Variants in COPS7A observed in about 807,000 individuals in gnomAD.
COPS7A encodes the protein COP9 signalosome complex subunit 7a.
In COPS7A, 20 loss-of-function variants were observed where a neutral mutation model predicts 35.2. The observed-to-expected ratio is 0.57, with a 90% CI of 0.40 to 0.83. COPS7A has a LOEUF of 0.83. COPS7A is among the 40% of genes least tolerant of loss of function. The probability of loss-of-function intolerance (pLI) is 0.00; values close to 1 mark genes in which losing one functional copy is unlikely to be tolerated. For missense variants in COPS7A, 247 were observed against 347.5 expected (o/e 0.71, Z 2.30); for synonymous variants, 139 against 141.4 (o/e 0.98, Z 0.12).
chr12:6,729,474 C>A lies in COPS7A; in HGVS notation c.530+25C>A. 1 of 1,605,490 alleles carries A rather than the reference C, an allele frequency of 6.2e-7. No individual in the cohort carries two copies. Among genetic ancestry groups the A allele is most frequent in the Non-Finnish European group, 8.5e-7 (1 of 1,176,926 alleles). On this transcript the variant is annotated intron_variant, in intron 5 of 7. Coordinates refer to ENST00000543155, the MANE Select transcript of COPS7A (RefSeq NM_001164094.2). The surrounding 1 kb of genome is among the most constrained non-coding windows in gnomAD (Gnocchi z 4.2). ...GGTGAGAACCGTATCCTGGCACTGT[C>A]CCCTTCTCACCCTGAGAAAGAGAAA... is the stretch of plus-strand genomic sequence containing the variant.
At position 6,730,514 on chromosome 12, in the gene COPS7A, A is replaced by G; in HGVS notation, c.636+7A>G. ...GCAGCAGATTGAGAGTGAGGTGAGC[A>G]GTCAGGGGAGCAGGCAGACCCAAAC... On this transcript the variant is annotated splice_region_variant and intron_variant, in intron 6 of 7. Coordinates refer to ENST00000543155, the MANE Select transcript of COPS7A (RefSeq NM_001164094.2). 1.2e-6 allele frequency: 2 copies of G among 1,614,048 alleles called. No homozygotes were observed. The highest frequency in any genetic ancestry group is 1.7e-6 in the Non-Finnish European group (2 of 1,179,958).
At position 6,730,384 on chromosome 12, in the gene COPS7A, C is replaced by G. The variant is rs756585584; in HGVS notation, c.531-18C>G. On this transcript the variant is annotated intron_variant, in intron 5 of 7. Transcript: ENST00000543155. ...GCAGCCCTTGTCTGCTGACACTTCT[C>G]TCCCCTGACTCCTGCAGGTGTGTGG... The G allele has an allele frequency of 2.5e-6, 4 of 1,612,378 alleles. No homozygotes were observed. The South Asian group carries it at 4.4e-5, about 18-fold the overall frequency.
chr12:6,727,517 A>G (rs1941286734), intron 2 of COPS7A, among the ~76,000 whole-genome samples: 1 of 152,120 alleles, frequency 6.6e-6, no homozygotes, highest in Non-Finnish European at 1.5e-5. Flanking sequence ...AGGCTGAGGC[A>G]GGAGTCTGGT....
At chr12:6,725,864 G>A (rs1020934741) in intron 2 of COPS7A, 4 of 455,998 alleles carry the variant, frequency 8.8e-6, no homozygotes, top group Non-Finnish European at 1.8e-5. Context: ...TTCATCTGCA[G>A]TGGAACTAAA....
Position 6,731,049 on chromosome 12 carries a change from C to G in COPS7A, c.*10C>G, listed in dbSNP as rs750398835. The stretch of plus-strand genomic sequence containing the variant: ...GTCCAAGTCGAATTGAAAGGACTGT[C>G]GTTTCCTCCCTGGGGATGTGGGGTC... On this transcript the variant is annotated 3_prime_UTR_variant, in exon 8 of 8. Coordinates refer to ENST00000543155, the MANE Select transcript of COPS7A (RefSeq NM_001164094.2). The G allele has an allele frequency of 6.2e-7, 1 of 1,614,056 alleles. No homozygotes were observed. The highest frequency in any genetic ancestry group is 8.5e-7 in the Non-Finnish European group (1 of 1,179,998).
Position 6,731,168 on chromosome 12 carries a change from A to T in COPS7A, c.*129A>T, listed in dbSNP as rs887035471. ...AGGTTCATGACCCTTCACCTCCCCT[A>T]ACCCCAAACATAGATCACACCTTCT... On this transcript the variant is annotated 3_prime_UTR_variant, in exon 8 of 8. Coordinates refer to ENST00000543155, the MANE Select transcript of COPS7A (RefSeq NM_001164094.2). 3 of 1,579,660 alleles carry T rather than the reference A, an allele frequency of 1.9e-6. No individual in the cohort carries two copies. Among genetic ancestry groups the T allele is most frequent in the Admixed American group, 3.6e-5 (2 of 55,978 alleles).
intron 2 of COPS7A, among the ~76,000 whole-genome samples, chr12:6,726,942 G>A (rs192101617): frequency 3.5e-4 from 54 of 152,322 alleles, no homozygotes; most frequent in Admixed American, 3.5e-3. Context: ...TTTCTTGCGA[G>A]GCAATTACTG....
chr12:6,725,193 G>A (rs1411283891), intron 2 of COPS7A, among the ~76,000 whole-genome samples: 1 of 138,332 alleles, frequency 7.2e-6, no homozygotes, highest in Non-Finnish European at 1.5e-5. Flanking sequence ...GTCTTGCTCT[G>A]TCACCCAGGC....
At chr12:6,724,568 G>T in intron 1 of COPS7A, 46 bp from the exon 2 acceptor site, 2 of 1,530,680 alleles carry the variant, frequency 1.3e-6, no homozygotes, top group South Asian at 1.1e-5. Context: ...CTTCCCATCC[G>T]ACCAGCCATC....
intron 2 of COPS7A, among the ~76,000 whole-genome samples, chr12:6,726,610 A>T (rs113738761): frequency 0.011 from 1,569 of 138,902 alleles, 17 homozygotes; most frequent in African/African-American, 0.019. Flanking sequence ...CTCAAAAAAA[A>T]AAATAAATAA....
intron 2 of COPS7A, 59 bp downstream of exon 2, chr12:6,724,877 A>G (rs534966253): frequency 6.4e-7 from 1 of 1,567,154 alleles, no homozygotes; most frequent in African/African-American, 1.4e-5. Context: ...GAATTTGAGA[A>G]TGGGTGGGCA....
rs1380258635 is a variant in COPS7A, at chr12:6,731,433, G to T, written c.*394G>T. On this transcript the variant is annotated 3_prime_UTR_variant, in exon 8 of 8. Transcript: ENST00000543155. ...CCCATCCCTGCATGCCTGATCCCCA[G>T]TTCCTATACCCTACCCCTGACCTAT... 2 of 768,290 alleles carry T rather than the reference G, an allele frequency of 2.6e-6. No individual in the cohort carries two copies. The highest frequency in any genetic ancestry group is 1.8e-6 in the Non-Finnish European group (1 of 553,254). 47.6% of individuals were successfully genotyped at this position (768,290 alleles called of 1,614,324 possible).
chr12:6,728,875 C>T (rs1384910751), intron 4 of COPS7A, among the ~76,000 whole-genome samples: 4 of 152,116 alleles, frequency 2.6e-5, no homozygotes, highest in Non-Finnish European at 5.9e-5. Flanking sequence ...ACAGTAACTC[C>T]ACACCTCTCC....
In COPS7A at chr12:6,728,399, G is replaced by A. The variant is rs914577221; in HGVS notation, c.327+88G>A. On this transcript the variant is annotated intron_variant, in intron 4 of 7. Coordinates refer to ENST00000543155, the MANE Select transcript of COPS7A (RefSeq NM_001164094.2). ...CACTAGGACAGCCCTTGTCTAGACC[G>A]TGGCTGCTTCCTGCCCTCCCCTCCT... 1.5e-5 allele frequency: 17 copies of A among 1,130,974 alleles called. No individual in the cohort carries two copies. The South Asian group carries it at 1.8e-4, about 12-fold the overall frequency. The allele number at this position is 1,130,974 out of a possible 1,614,324, so 70.1% of individuals were successfully genotyped here.
In COPS7A at chr12:6,727,997, CTT is replaced by C; in HGVS notation, c.235_236del (p.Leu79SerfsTer2). ...TTGCTTATGGGACATACGCTGACTA[CTT>C]AGGTAACCAGAGGGGTTGGTGCTCT... ...VFAYGTYADY[L>X]AEARNLPPLT... On this transcript the variant is annotated frameshift_variant and splice_region_variant, in exon 3 of 8. Transcript: ENST00000543155. LOFTEE classifies it high-confidence loss of function. 1.2e-6 allele frequency: 2 copies of C among 1,614,086 alleles called. No homozygotes were observed. Among genetic ancestry groups the C allele is most frequent in the Non-Finnish European group, 1.7e-6 (2 of 1,179,966 alleles).
intron 2 of COPS7A, among the ~76,000 whole-genome samples, chr12:6,727,030 A>T (rs1941274600): frequency 1.3e-5 from 2 of 152,184 alleles, no homozygotes; most frequent in African/African-American, 4.8e-5. Context: ...TTCTGCAAGG[A>T]TTGATTGATT....
At position 6,729,632 on chromosome 12, in the gene COPS7A, G is replaced by A. The variant is rs369080964; in HGVS notation, c.530+183G>A. Reference sequence around the variant, plus strand: ...GGAGTAGGGGAGGCCCTGGGAGGCGGCAGAAGTCAGTGTCCTTGATATAGT... The same window carrying A: ...GGAGTAGGGGAGGCCCTGGGAGGCGACAGAAGTCAGTGTCCTTGATATAGT... On this transcript the variant is annotated intron_variant, in intron 5 of 7. Transcript: ENST00000543155. This position sits in a 1 kb window ranked among gnomAD's most constrained non-coding sequence, Gnocchi z 4.2. Among the ~76,000 whole-genome samples the A allele has an allele frequency of 1.0e-3, 156 of 152,298 alleles. 2 individuals are homozygous for A. Among genetic ancestry groups the A allele is most frequent in the South Asian group, 4.1e-3 (20 of 4,828 alleles).
rs1272986473 is a variant in COPS7A at position 6,729,674 on chromosome 12, G to A, written c.530+225G>A. Among the ~76,000 whole-genome samples, 1 of 152,188 alleles carries A rather than the reference G, an allele frequency of 6.6e-6. No homozygotes were observed. The highest frequency in any genetic ancestry group is 1.5e-5 in the Non-Finnish European group (1 of 68,046). ...TGATATAGTAGTTGGGGGAGGAAAA[G>A]GGAGTGGTATACTTAAGGGGATCCT... On this transcript the variant is annotated intron_variant, in intron 5 of 7. Coordinates refer to ENST00000543155, the MANE Select transcript of COPS7A (RefSeq NM_001164094.2). The surrounding 1 kb of genome is among the most constrained non-coding windows in gnomAD (Gnocchi z 4.2).
chr12:6,730,397 T>C lies in COPS7A; in HGVS notation c.531-5T>C, dbSNP rs2137758941. On this transcript the variant is annotated splice_region_variant and splice_polypyrimidine_tract_variant and intron_variant, in intron 5 of 7. Transcript: ENST00000543155. ...GCTGACACTTCTCTCCCCTGACTCC[T>C]GCAGGTGTGTGGGCTGTGAGGTCGT... 6.2e-7 allele frequency: 1 copy of C among 1,613,868 alleles called. No individual in the cohort carries two copies. Among genetic ancestry groups the C allele is most frequent in the Non-Finnish European group, 8.5e-7 (1 of 1,179,794 alleles).
Sources: gnomAD v4.1 joint callset for allele counts (sites outside exome capture counted in the v4.1 genomes callset) on GRCh38, gnomAD v4.1.1 for gene constraint, Gnocchi (gnomAD v3.1) non-coding constraint, MANE v1.5 for transcripts, NCBI Gene and HGNC (gene_info 2026-07-23, HGNC 2026-07-21) for gene names.